DAPK1: variants seen among roughly 807,000 people sequenced by gnomAD.
DAPK1 encodes death associated protein kinase 1.
In DAPK1, 56 loss-of-function variants were observed where a neutral mutation model predicts 144.9. That is an observed-to-expected ratio of 0.39 (90% CI 0.31 to 0.48). The LOEUF (loss-of-function observed/expected upper bound fraction) is 0.48, where lower values mean the gene tolerates loss of function less well. Among genes scored for constraint, DAPK1 ranks in the 20% least tolerant of loss-of-function variants. The pLI, the probability that DAPK1 is intolerant of heterozygous loss-of-function variation, is 0.95. For missense variants in DAPK1, 1,454 were observed against 1,875.4 expected (o/e 0.78, Z 4.15); for synonymous variants, 690 against 749.0 (o/e 0.92, Z 1.29).
At chr9:87,576,521 T>C (rs919029724) in intron 2 of DAPK1, among the ~76,000 whole-genome samples, 1 of 152,176 alleles carries the variant, frequency 6.6e-6, no homozygotes, top group Non-Finnish European at 1.5e-5. Flanking sequence ...AGCTGCCTGT[T>C]ACTGATAAAT....
At chr9:87,543,172 C>T (rs1016905696) in intron 2 of DAPK1, among the ~76,000 whole-genome samples, 1 of 152,156 alleles carries the variant, frequency 6.6e-6, no homozygotes. Flanking sequence ...TGCAAAACAA[C>T]ATGTAATTCT....
At chr9:87,553,200 C>T (rs1009736380) in intron 2 of DAPK1, among the ~76,000 whole-genome samples, 1 of 152,002 alleles carries the variant, frequency 6.6e-6, no homozygotes, top group Non-Finnish European at 1.5e-5. Flanking sequence ...AAATCTCACT[C>T]ATCAGACCTG....
At position 87,707,755 on chromosome 9, in the gene DAPK1, G is replaced by C. The variant is rs1444013790; in HGVS notation, c.*391G>C. 2 of 445,808 alleles carry C rather than the reference G, an allele frequency of 4.5e-6. No individual in the cohort carries two copies. The highest frequency in any genetic ancestry group is 5.3e-5 in the Admixed American group (2 of 37,566). The allele number at this position is 445,808 out of a possible 1,614,324, so 27.6% of individuals were successfully genotyped here. ...TGATTGTCCTTTAAAAAAGAAAAGT[G>C]CATATTTATCCAAAATGTGTATTTC... On this transcript the variant is annotated 3_prime_UTR_variant, in exon 26 of 26. Coordinates refer to ENST00000408954, the MANE Select transcript of DAPK1 (RefSeq NM_004938.4). The surrounding 1 kb of genome is among the most constrained non-coding windows in gnomAD (Gnocchi z 4.0).
intron 2 of DAPK1, chr9:87,506,714 G>A (rs1181324041): frequency 6.6e-6 from 1 of 152,134 alleles, no homozygotes; most frequent in East Asian, 1.9e-4. Flanking sequence ...TATACAAATG[G>A]AATGCATCCT....
In DAPK1 at chr9:87,707,256, A is replaced by G; in HGVS notation, c.4185A>G (p.Ala1395=). Residue 1395 remains alanine, a synonymous_variant, in exon 26 of 26, where the codon GCA becomes GCG. Transcript: ENST00000408954. This position sits in a 1 kb window ranked among gnomAD's most constrained non-coding sequence, Gnocchi z 4.0. ...ATGCCGCAGACTTTTTGCTGAAGGC[A>G]TCCTCTGTGTTCAAAATCAACCTGG... ...RRDAADFLLK[A]SSVFKINLDG... The G allele has an allele frequency of 6.2e-7, 1 of 1,614,138 alleles. No individual in the cohort carries two copies. Among genetic ancestry groups the G allele is most frequent in the Non-Finnish European group, 8.5e-7 (1 of 1,180,004 alleles).
rs33982268 is a variant in DAPK1 at position 87,692,241 on chromosome 9, CTTT to C, written c.2414-4755_2414-4753del. Among the ~76,000 whole-genome samples, 104 of 148,084 alleles carry C rather than the reference CTTT, an allele frequency of 7.0e-4. 1 individual carries two copies. The highest frequency in any genetic ancestry group is 1.8e-3 in the Admixed American group (27 of 14,964). On this transcript the variant is annotated intron_variant, in intron 21 of 25. Transcript: ENST00000408954. ...CCCTTTTGCATTATATAATGACCTT[CTTT>C]TTTTTTTTTTGACTTAAAGTCTGTT...
At chr9:87,587,431 T>G (rs1331478186) in intron 2 of DAPK1, among the ~76,000 whole-genome samples, 1 of 152,192 alleles carries the variant, frequency 6.6e-6, no homozygotes, top group African/African-American at 2.4e-5. Context: ...AATTTGAGGC[T>G]CCTTTGAATT....
At position 87,651,727 on chromosome 9, in the gene DAPK1, A is replaced by T. The variant is rs1212898567; in HGVS notation, c.1824+3A>T. 6.2e-7 allele frequency: 1 copy of T among 1,613,666 alleles called. No individual in the cohort carries two copies. Among genetic ancestry groups the T allele is most frequent in the Admixed American group, 1.7e-5 (1 of 59,996 alleles). ...GCAATTTGGACATCTCCAACAAGGT[A>T]TGCACAGAGAACAGGATCCCTACAG... On this transcript the variant is annotated splice_donor_region_variant and intron_variant, in intron 17 of 25. Coordinates refer to ENST00000408954, the MANE Select transcript of DAPK1 (RefSeq NM_004938.4).
intron 3 of DAPK1, among the ~76,000 whole-genome samples, chr9:87,615,090 G>T (rs1168473819): frequency 6.6e-6 from 1 of 152,192 alleles, no homozygotes; most frequent in East Asian, 1.9e-4. Flanking sequence ...GTCTTCCCAA[G>T]ACGTCCTTGA....
intron 2 of DAPK1, among the ~76,000 whole-genome samples, chr9:87,602,700 C>A (rs891018450): frequency 1.3e-5 from 2 of 151,974 alleles, no homozygotes; most frequent in Admixed American, 1.3e-4. Context: ...GTGGCACAAT[C>A]TCGGCTCACT....
At chr9:87,585,932 A>T (rs1387447958) in intron 2 of DAPK1, among the ~76,000 whole-genome samples, 1 of 152,214 alleles carries the variant, frequency 6.6e-6, no homozygotes, top group African/African-American at 2.4e-5. Context: ...ATTGGGATAA[A>T]CAAAATATTA....
chr9:87,695,543 C>A (rs1825226114), intron 21 of DAPK1, among the ~76,000 whole-genome samples: 1 of 152,164 alleles, frequency 6.6e-6, no homozygotes, highest in African/African-American at 2.4e-5. Context: ...GGGAAATGGG[C>A]AGCCTTCACA....
chr9:87,706,434 C>T lies in DAPK1; in HGVS notation c.3363C>T (p.Asp1121=), dbSNP rs769931498. 4.3e-5 allele frequency: 69 copies of T among 1,613,250 alleles called. No individual in the cohort carries two copies. The highest frequency in any genetic ancestry group is 5.2e-5 in the Non-Finnish European group (61 of 1,179,436). The change falls in exon 26 of 26, where the codon GAC becomes GAT. Residue 1121 remains aspartate (D), a synonymous_variant. Coordinates refer to ENST00000408954, the MANE Select transcript of DAPK1 (RefSeq NM_004938.4). This position sits in a 1 kb window ranked among gnomAD's most constrained non-coding sequence, Gnocchi z 9.0. ...NLHRSWADEE[D]EVMVYGGVRI... is the part of the protein sequence containing the mutation. ...ACCGCTCCTGGGCTGATGAGGAGGA[C>T]GAGGTGATGGTGTATGGTGGCGTGC...
At chr9:87,572,458 T>G (rs540078968) in intron 2 of DAPK1, among the ~76,000 whole-genome samples, 2 of 152,320 alleles carry the variant, frequency 1.3e-5, no homozygotes, top group South Asian at 4.2e-4. Context: ...TATTTGTCCT[T>G]ACCCAGATCT....
At chr9:87,665,227 G>C (rs1309175443) in intron 18 of DAPK1, among the ~76,000 whole-genome samples, 1 of 151,608 alleles carries the variant, frequency 6.6e-6, no homozygotes, top group African/African-American at 2.4e-5. Context: ...CTAGATTCTG[G>C]ATCCCATGAA....
At chr9:87,672,842 A>G (rs1453051777) in intron 19 of DAPK1, among the ~76,000 whole-genome samples, 1 of 152,154 alleles carries the variant, frequency 6.6e-6, no homozygotes, top group Non-Finnish European at 1.5e-5. Flanking sequence ...TGCATCGCTG[A>G]GGATTGTGGG....
chr9:87,526,638 T>C lies in DAPK1; in HGVS notation c.62+27499T>C, dbSNP rs140300772. 1.8e-4 allele frequency among the ~76,000 whole-genome samples: 27 copies of C among 152,340 alleles called. No individual in the cohort carries two copies. In the East Asian group the frequency reaches 5.2e-3, roughly 29 times the overall value. On this transcript the variant is annotated intron_variant, in intron 2 of 25. Transcript: ENST00000408954. ...GCTTTCTAGAGAATCATTGTGATTCTAACCAGGTATATTTGGTATTTTTTT... is the reference window on the plus strand; with the variant it reads ...GCTTTCTAGAGAATCATTGTGATTCCAACCAGGTATATTTGGTATTTTTTT...
At chr9:87,565,098 T>C (rs1239986017) in intron 2 of DAPK1, among the ~76,000 whole-genome samples, 2 of 152,142 alleles carry the variant, frequency 1.3e-5, no homozygotes, top group Non-Finnish European at 2.9e-5. Context: ...CAGAAAGACT[T>C]TTCACACAGA....
At chr9:87,570,399 C>A (rs1054241324) in intron 2 of DAPK1, among the ~76,000 whole-genome samples, 1 of 152,152 alleles carries the variant, frequency 6.6e-6, no homozygotes, top group African/African-American at 2.4e-5. Context: ...TTTATAACAG[C>A]TTAAAATGGC....
Sources: allele counts gnomAD v4.1 joint callset (sites outside exome capture counted in the v4.1 genomes callset), GRCh38; gene constraint gnomAD v4.1.1; non-coding constraint Gnocchi (gnomAD v3.1); transcripts MANE v1.5; gene names NCBI Gene and HGNC (gene_info 2026-07-23, HGNC 2026-07-21).